The following AP4E1 variants were observed in gnomAD, a reference collection of about 807,000 sequenced individuals.
AP4E1 encodes the protein adaptor related protein complex 4 subunit epsilon 1.
In AP4E1, 56 loss-of-function variants were observed where a neutral mutation model predicts 128.2. The observed-to-expected ratio is 0.44, with a 90% confidence interval of 0.35 to 0.55. The LOEUF (loss-of-function observed/expected upper bound fraction) is 0.55, where lower values mean the gene tolerates loss of function less well. Ranked by LOEUF, AP4E1 falls within the 20% of genes least tolerant of loss-of-function variation. AP4E1 has a pLI of 0.00. For missense variants in AP4E1, 1,324 were observed against 1,307.7 expected, an observed-to-expected ratio of 1.01 and a Z score of -0.19; for synonymous variants, 484 against 473.1, an observed-to-expected ratio of 1.02 and a Z score of -0.30.
chr15:50,935,390 T>G (rs2063894553), intron 8 of AP4E1, among the ~76,000 whole-genome samples: 2 of 152,174 alleles, frequency 1.3e-5, no homozygotes, highest in South Asian at 4.1e-4. Flanking sequence ...ACATGCAATT[T>G]AAAAATTAGT....
At chr15:50,998,681 A>G (rs2064915436) in intron 18 of AP4E1, among the ~76,000 whole-genome samples, 1 of 152,090 alleles carries the variant, frequency 6.6e-6, no homozygotes, top group African/African-American at 2.4e-5. Context: ...AACCCTTCCC[A>G]GTTGCTTTAA....
At chr15:50,908,962 T>G in intron 1 of AP4E1, 34 bp downstream of exon 1, 2 of 1,607,774 alleles carry the variant, frequency 1.2e-6, no homozygotes, top group Non-Finnish European at 1.7e-6. Context: ...CTCAGGGACA[T>G]CGGAGTGAGG....
At position 50,984,131 on chromosome 15, in the gene AP4E1, G is replaced by C. The variant is rs2064682624; in HGVS notation, c.2076G>C (p.Glu692Asp). Reference protein sequence around the residue: ...LGSDVSGNSAETGLKETNSLK... With the variant: ...LGSDVSGNSADTGLKETNSLK... Reference sequence around the variant, plus strand: ...CAGATGTATCTGGGAATAGTGCTGAGACAGGACTGAAAGAGTAAGTTCATT... The same window carrying C: ...CAGATGTATCTGGGAATAGTGCTGACACAGGACTGAAAGAGTAAGTTCATT... The change falls in exon 16 of 21, where the codon GAG becomes GAC. Residue 692 changes from glutamate (E) to aspartate (D), a missense_variant. By Grantham distance (45) the Glu-to-Asp change is conservative. Coordinates refer to ENST00000261842, the MANE Select transcript of AP4E1 (RefSeq NM_007347.5). The C allele has an allele frequency of 1.2e-6, 2 of 1,613,212 alleles. No homozygotes were observed. Among genetic ancestry groups the C allele is most frequent in the South Asian group, 1.1e-5 (1 of 91,062 alleles).
chr15:50,957,303 G>A (rs538045055), intron 13 of AP4E1, among the ~76,000 whole-genome samples: 10 of 152,260 alleles, frequency 6.6e-5, no homozygotes, highest in South Asian at 4.1e-4. Flanking sequence ...AAGTCCAGCC[G>A]TCTCTGGCTG....
At chr15:50,968,407 G>C in intron 15 of AP4E1, 30 bp downstream of exon 15, 1 of 1,467,546 alleles carries the variant, frequency 6.8e-7, no homozygotes. Context: ...TGATAAGCTA[G>C]AGTGTAGGGA....
At position 50,940,026 on chromosome 15, in the gene AP4E1, G is replaced by C. The variant is rs1431543066; in HGVS notation, c.944-1416G>C. Among the ~76,000 whole-genome samples the C allele has an allele frequency of 3.3e-5, 5 of 152,096 alleles. No homozygotes were observed. The East Asian group carries it at 9.6e-4, about 29-fold the overall frequency. ...TTTAGTTCACAGGCCTATAAAAATA[G>C]GCTGAAGGCTGGATTTAGTGGCATT... On this transcript the variant is annotated intron_variant, in intron 8 of 20. Coordinates refer to ENST00000261842, the MANE Select transcript of AP4E1 (RefSeq NM_007347.5).
intron 3 of AP4E1, among the ~76,000 whole-genome samples, chr15:50,919,221 C>A (rs1230576179): frequency 7.1e-6 from 1 of 141,042 alleles, no homozygotes; most frequent in South Asian, 2.2e-4. Context: ...CAGAGTGAGA[C>A]CCTGTCTCAA....
At chr15:50,977,676 C>A (rs1353461333) in intron 15 of AP4E1, among the ~76,000 whole-genome samples, 1 of 130,900 alleles carries the variant, frequency 7.6e-6, no homozygotes, top group Non-Finnish European at 1.6e-5. Context: ...AGAATTAATT[C>A]TTGAATCTTT....
At chr15:50,962,027 C>T (rs1310551843) in intron 14 of AP4E1, among the ~76,000 whole-genome samples, 1 of 151,054 alleles carries the variant, frequency 6.6e-6, no homozygotes, top group African/African-American at 2.4e-5. Context: ...AAATACAATA[C>T]AATACAATAC....
rs1369749763 is a variant in AP4E1 at position 51,004,164 on chromosome 15, A to C, written c.*1502A>C. On this transcript the variant is annotated 3_prime_UTR_variant, in exon 21 of 21. Transcript: ENST00000261842. ...TCCTCCTTTTGAATAGATCAGATTC[A>C]TCCCCAGGCTCTCAGCAGTGTCATG... 1 of 152,262 alleles carries C rather than the reference A, an allele frequency of 6.6e-6. No homozygotes were observed. Among genetic ancestry groups the C allele is most frequent in the Admixed American group, 6.5e-5 (1 of 15,276 alleles). 9.4% of individuals were successfully genotyped at this position (152,262 alleles called of 1,614,324 possible).
chr15:50,962,426 A>G (rs1413008839), intron 14 of AP4E1, among the ~76,000 whole-genome samples: 1 of 152,132 alleles, frequency 6.6e-6, no homozygotes, highest in Non-Finnish European at 1.5e-5. Context: ...CACCAATGGA[A>G]CAGAGGGAAC....
chr15:50,945,316 A>T (rs2064043647), intron 10 of AP4E1: 1 of 780,924 alleles, frequency 1.3e-6, no homozygotes. Flanking sequence ...TGCGTCTGAC[A>T]GGAATATAGT....
chr15:50,942,642 T>C (rs1422858137), intron 10 of AP4E1, among the ~76,000 whole-genome samples: 1 of 148,440 alleles, frequency 6.7e-6, no homozygotes, highest in African/African-American at 2.5e-5. Context: ...ATGTTACTTA[T>C]ATATAATATT....
At chr15:50,978,190 C>T (rs996571891) in intron 15 of AP4E1, among the ~76,000 whole-genome samples, 2 of 152,078 alleles carry the variant, frequency 1.3e-5, no homozygotes, top group Non-Finnish European at 2.9e-5. Context: ...AACTTTCTTA[C>T]AAGTTCCCAT....
intron 10 of AP4E1, among the ~76,000 whole-genome samples, chr15:50,942,249 C>T (rs1314052496): frequency 6.6e-6 from 1 of 152,090 alleles, no homozygotes; most frequent in African/African-American, 2.4e-5. Flanking sequence ...AGTAACTTTT[C>T]TAAAAAGTAC....
At chr15:50,918,569 G>A (rs2063656457) in intron 3 of AP4E1, among the ~76,000 whole-genome samples, 1 of 152,092 alleles carries the variant, frequency 6.6e-6, no homozygotes, top group Non-Finnish European at 1.5e-5. Flanking sequence ...TTTAAAATAT[G>A]TAAAGCATTA....
chr15:50,948,434 C>G (rs1233640895), intron 11 of AP4E1, among the ~76,000 whole-genome samples: 1 of 146,258 alleles, frequency 6.8e-6, no homozygotes, highest in African/African-American at 2.5e-5. Context: ...TTTCCTCTTT[C>G]AGTCCTGCCT....
At chr15:50,972,041 T>A (rs1207159942) in intron 15 of AP4E1, among the ~76,000 whole-genome samples, 2 of 152,216 alleles carry the variant, frequency 1.3e-5, no homozygotes, top group Non-Finnish European at 2.9e-5. Flanking sequence ...TGTTCCTATG[T>A]TGATTTGTAT....
chr15:50,941,618 C>T, intron 9 of AP4E1, 48 bp from the exon 10 acceptor site: 1 of 1,611,410 alleles, frequency 6.2e-7, no homozygotes, highest in Non-Finnish European at 8.5e-7. Context: ...TTGAAATTTG[C>T]TGTGTATTTG....
Sources: gnomAD v4.1 joint callset for allele counts (sites outside exome capture counted in the v4.1 genomes callset) on GRCh38, gnomAD v4.1.1 for gene constraint, MANE v1.5 for transcripts, NCBI Gene and HGNC (gene_info 2026-07-23, HGNC 2026-07-21) for gene names.